TAF4B: variants seen among roughly 807,000 people sequenced by gnomAD.
The protein encoded by TAF4B is transcription initiation factor TFIID subunit 4B.
Under a neutral mutation model 86.4 loss-of-function variants are expected in TAF4B, and 38 were observed. That is an observed-to-expected ratio of 0.44 (90% CI 0.34 to 0.58). The LOEUF (loss-of-function observed/expected upper bound fraction) is 0.58, where lower values mean the gene tolerates loss of function less well. Among genes scored for constraint, TAF4B ranks in the 20% least tolerant of loss-of-function variants. The probability of loss-of-function intolerance (pLI) is 0.02; values close to 1 mark genes in which losing one functional copy is unlikely to be tolerated. For missense variants in TAF4B, 988 were observed against 1,027.6 expected, an observed-to-expected ratio of 0.96 and a Z score of 0.53; for synonymous variants, 388 against 391.2, an observed-to-expected ratio of 0.99 and a Z score of 0.10.
intron 1 of TAF4B, among the ~76,000 whole-genome samples, chr18:26,232,859 G>A (rs2055693207): frequency 1.3e-5 from 2 of 152,190 alleles, no homozygotes; most frequent in East Asian, 3.9e-4. Context: ...GTGGTAGTAG[G>A]ATAATGAAGT....
intron 14 of TAF4B, among the ~76,000 whole-genome samples, chr18:26,361,543 C>T (rs1265903036): frequency 6.6e-6 from 1 of 151,632 alleles, no homozygotes; most frequent in African/African-American, 2.4e-5. Flanking sequence ...GTCAGGAGTT[C>T]GAGACCAGCC....
rs1282068871 is a variant in TAF4B, at chr18:26,315,161, T to TCTCTCTCTCTCA, written c.1833-67_1833-66insTCTCTCTCTCAC. On this transcript the variant is annotated intron_variant, in intron 9 of 14. Coordinates refer to ENST00000269142, the MANE Select transcript of TAF4B (RefSeq NM_005640.3). ...CTCTCTCTCTGTCTCTCTCTCTCTCTCACACACACACACACACACACACAC... is the reference window on the plus strand; with the variant it reads ...CTCTCTCTCTGTCTCTCTCTCTCTCTCTCTCTCTCTCACACACACACACACACACACACACAC... The TCTCTCTCTCTCA allele has an allele frequency of 3.2e-3, 711 of 222,780 alleles. 12 individuals carry two copies. Among genetic ancestry groups the TCTCTCTCTCTCA allele is most frequent in the African/African-American group, 0.017 (452 of 26,678 alleles). 13.8% of individuals were successfully genotyped at this position (222,780 alleles called of 1,614,324 possible).
At chr18:26,267,669 T>C in intron 3 of TAF4B, 46 bp downstream of exon 3, 2 of 1,366,828 alleles carry the variant, frequency 1.5e-6, no homozygotes, top group Non-Finnish European at 2.1e-6. Flanking sequence ...TCTTAACTTT[T>C]AAAAAAATCA....
intron 10 of TAF4B, among the ~76,000 whole-genome samples, chr18:26,317,734 C>T (rs566837797): frequency 1.4e-4 from 21 of 152,292 alleles, no homozygotes; most frequent in African/African-American, 4.8e-4. Context: ...CATCTTCTTG[C>T]TGTGTTTTCA....
At chr18:26,336,221 T>A (rs373238277) in intron 13 of TAF4B, among the ~76,000 whole-genome samples, 2 of 152,210 alleles carry the variant, frequency 1.3e-5, no homozygotes, top group Admixed American at 6.5e-5. Context: ...TTCATGCAAT[T>A]TTTAAGGATC....
intron 12 of TAF4B, among the ~76,000 whole-genome samples, chr18:26,331,556 A>G (rs944275449): frequency 1.3e-5 from 2 of 152,092 alleles, no homozygotes; most frequent in Non-Finnish European, 2.9e-5. Context: ...TCTCCCCTCT[A>G]AATACCTTTT....
At chr18:26,357,518 T>C (rs748892149) in intron 13 of TAF4B, among the ~76,000 whole-genome samples, 172 bp from the exon 14 acceptor site, 53 of 152,220 alleles carry the variant, frequency 3.5e-4, no homozygotes, top group Admixed American at 2.6e-3. Flanking sequence ...CTAAAGAGTT[T>C]GTTGGTGTAA....
At chr18:26,362,220 C>A (rs565408858) in intron 14 of TAF4B, among the ~76,000 whole-genome samples, 3 of 152,254 alleles carry the variant, frequency 2.0e-5, no homozygotes, top group African/African-American at 7.2e-5. Context: ...CCTCAATTAT[C>A]CCCACCTGTA....
In TAF4B at chr18:26,389,921, C is replaced by A. The variant is rs1198845653; in HGVS notation, c.2498C>A (p.Thr833Lys). 1 of 1,614,142 alleles carries A rather than the reference C, an allele frequency of 6.2e-7. No individual in the cohort carries two copies. Among genetic ancestry groups the A allele is most frequent in the Admixed American group, 1.7e-5 (1 of 60,024 alleles). ...ATKQLHRPRITRICLRDLIFC... is the reference protein window; with the variant it reads ...ATKQLHRPRIKRICLRDLIFC... ...AAACAGTTGCATCGTCCAAGAATCACGAGAATCTGCCTCAGGGACTTGATA... is the reference window on the plus strand; with the variant it reads ...AAACAGTTGCATCGTCCAAGAATCAAGAGAATCTGCCTCAGGGACTTGATA... The change falls in exon 15 of 15, where the codon ACG becomes AAG. Residue 833 changes from threonine to lysine, a missense_variant. By Grantham distance (78) the Thr-to-Lys change is moderately conservative. Coordinates refer to ENST00000269142, the MANE Select transcript of TAF4B (RefSeq NM_005640.3).
At chr18:26,257,686 T>G (rs2056103870) in intron 1 of TAF4B, among the ~76,000 whole-genome samples, 1 of 152,194 alleles carries the variant, frequency 6.6e-6, no homozygotes, top group Non-Finnish European at 1.5e-5. Context: ...CCTTTGTAAT[T>G]TTTTCAACAT....
intron 10 of TAF4B, 140 bp from the exon 11 acceptor site, chr18:26,320,930 C>A: frequency 9.8e-7 from 1 of 1,015,272 alleles, no homozygotes; most frequent in Non-Finnish European, 1.4e-6. Flanking sequence ...GAAGTTGTGA[C>A]TTTACTAGGA....
chr18:26,292,189 T>TA (rs760285083), intron 7 of TAF4B, 57 bp from the exon 8 acceptor site: 51 of 1,558,858 alleles, frequency 3.3e-5, no homozygotes, highest in Non-Finnish European at 4.4e-5. Flanking sequence ...ACTGAAATCT[T>TA]ATCCTTTTCT....
At chr18:26,349,275 C>T (rs117365909) in intron 13 of TAF4B, among the ~76,000 whole-genome samples, 254 of 152,200 alleles carry the variant, frequency 1.7e-3, no homozygotes, top group Non-Finnish European at 3.2e-3. Flanking sequence ...CTTTCCCCTT[C>T]CGAAAGTCCC....
intron 1 of TAF4B, among the ~76,000 whole-genome samples, chr18:26,230,638 G>A (rs2055650593): frequency 6.6e-6 from 1 of 152,166 alleles, no homozygotes; most frequent in South Asian, 2.1e-4. Flanking sequence ...CTCAAGGTGA[G>A]GTTAGGTTCT....
At chr18:26,357,596 T>C (rs75854942) in intron 13 of TAF4B, 94 bp from the exon 14 acceptor site, 13 of 745,908 alleles carry the variant, frequency 1.7e-5, no homozygotes, top group Non-Finnish European at 2.7e-5. Context: ...TAACTTTATT[T>C]GGTGAATGCA....
At chr18:26,305,060 T>A in intron 9 of TAF4B, 1 of 189,196 alleles carries the variant, frequency 5.3e-6, no homozygotes, top group Non-Finnish European at 9.8e-6. Flanking sequence ...ATGGAAAATT[T>A]AAATTACAGT....
intron 1 of TAF4B, among the ~76,000 whole-genome samples, chr18:26,261,411 G>A (rs962164160): frequency 1.3e-5 from 2 of 151,846 alleles, no homozygotes; most frequent in East Asian, 3.9e-4. Flanking sequence ...CGTTTTAGCC[G>A]GGATGGTCTC....
At chr18:26,294,225 C>T (rs943277281) in intron 9 of TAF4B, among the ~76,000 whole-genome samples, 11 of 152,014 alleles carry the variant, frequency 7.2e-5, no homozygotes, top group African/African-American at 2.4e-4. Flanking sequence ...TATCATTTTG[C>T]ATTTCTGTCA....
At chr18:26,349,956 C>T (rs1462170498) in intron 13 of TAF4B, among the ~76,000 whole-genome samples, 1 of 152,100 alleles carries the variant, frequency 6.6e-6, no homozygotes, top group African/African-American at 2.4e-5. Flanking sequence ...GAACATATAC[C>T]AGGGAAAGCA....
Sources: gnomAD v4.1 joint callset for allele counts (sites outside exome capture counted in the v4.1 genomes callset) on GRCh38, gnomAD v4.1.1 for gene constraint, MANE v1.5 for transcripts, NCBI Gene and HGNC (gene_info 2026-07-23, HGNC 2026-07-21) for gene names.